The following BMPER variants were observed in gnomAD, a reference collection of about 807,000 sequenced individuals.
BMPER encodes BMP binding endothelial regulator.
A neutral mutation model predicts 87.3 loss-of-function variants in BMPER; 45 were observed. The ratio of observed to expected loss-of-function variants is 0.52; its 90% CI spans 0.41 to 0.66. BMPER has a LOEUF of 0.66. Ranked by LOEUF, BMPER falls within the 30% of genes least tolerant of loss-of-function variation. The probability of loss-of-function intolerance (pLI) is 0.00; values close to 1 mark genes in which losing one functional copy is unlikely to be tolerated. For synonymous variants in BMPER, 326 were observed against 316.2 expected, an observed-to-expected ratio of 1.03 and a Z score of -0.33; for missense variants, 784 against 867.5, an observed-to-expected ratio of 0.90 and a Z score of 1.21.
intron 13 of BMPER, among the ~76,000 whole-genome samples, chr7:34,135,248 G>A (rs1197038507): frequency 6.6e-6 from 1 of 152,076 alleles, no homozygotes; most frequent in African/African-American, 2.4e-5. Context: ...TTTGGTTGTT[G>A]GATTTTTGTT....
intron 6 of BMPER, among the ~76,000 whole-genome samples, chr7:34,026,132 G>T (rs535287993): frequency 3.3e-5 from 5 of 152,112 alleles, no homozygotes; most frequent in Admixed American, 3.3e-4. Flanking sequence ...CTGGTGAGCT[G>T]GGATGATGGT....
At chr7:34,072,652 T>C (rs1455611271) in intron 11 of BMPER, among the ~76,000 whole-genome samples, 1 of 152,088 alleles carries the variant, frequency 6.6e-6, no homozygotes, top group Non-Finnish European at 1.5e-5. Context: ...CAACCTTAAT[T>C]CCATTTGCAA....
chr7:33,940,894 A>G (rs1255812838), intron 3 of BMPER, among the ~76,000 whole-genome samples: 1 of 133,676 alleles, frequency 7.5e-6, no homozygotes, highest in African/African-American at 3.1e-5. Context: ...ATATAATAGA[A>G]TTTATATATA....
intron 13 of BMPER, among the ~76,000 whole-genome samples, chr7:34,106,329 T>C (rs1789816830): frequency 6.6e-6 from 1 of 152,214 alleles, no homozygotes; most frequent in Non-Finnish European, 1.5e-5. Context: ...ACATATCACT[T>C]TTCTTCCATT....
intron 2 of BMPER, among the ~76,000 whole-genome samples, chr7:33,916,088 A>G (rs1784082137): frequency 6.6e-6 from 1 of 152,164 alleles, no homozygotes; most frequent in Non-Finnish European, 1.5e-5. Context: ...AATTAAATGG[A>G]CTGTATTTAT....
At chr7:33,920,064 A>G (rs1369484153) in intron 2 of BMPER, among the ~76,000 whole-genome samples, 1 of 152,158 alleles carries the variant, frequency 6.6e-6, no homozygotes, top group Non-Finnish European at 1.5e-5. Flanking sequence ...ATAGTTGTGT[A>G]TGTGTGCTGG....
Position 34,062,044 on chromosome 7 carries a change from G to T in BMPER, c.1075G>T (p.Glu359Ter), listed in dbSNP as rs139550819. The change falls in exon 11 of 15, where the codon GAA becomes TAA. Residue 359 changes from glutamate to a stop codon, truncating the protein, a stop_gained. Transcript: ENST00000649409. LOFTEE classifies it high-confidence loss of function. ...AAAAGGATGCTGTCCTATTTGCACTGAAAGTAAGTTTATTCCTTTGAAAAT... is the reference window on the plus strand; with the variant it reads ...AAAAGGATGCTGTCCTATTTGCACTTAAAGTAAGTTTATTCCTTTGAAAAT... ...NRKGCCPICT[E>*]KPGVCTVFGD... 22 of 1,610,340 alleles carry T rather than the reference G, an allele frequency of 1.4e-5. No individual in the cohort carries two copies. Among genetic ancestry groups the T allele is most frequent in the Non-Finnish European group, 8.5e-7 (1 of 1,178,378 alleles).
chr7:34,042,943 A>C (rs535137158), intron 6 of BMPER: 2 of 152,316 alleles, frequency 1.3e-5, no homozygotes, highest in East Asian at 3.9e-4. Flanking sequence ...GGTTACTAGG[A>C]ACTGAAGGCT....
chr7:34,054,014 G>A (rs1180141870), intron 8 of BMPER, among the ~76,000 whole-genome samples: 1 of 152,166 alleles, frequency 6.6e-6, no homozygotes, highest in African/African-American at 2.4e-5. Context: ...GCCTATCTCA[G>A]GTGTCATTCA....
chr7:33,986,481 G>T (rs114943239), intron 6 of BMPER, among the ~76,000 whole-genome samples: 411 of 152,286 alleles, frequency 2.7e-3, no homozygotes, highest in African/African-American at 9.7e-3. Flanking sequence ...ATACAATCTA[G>T]AACTTTTCTA....
At chr7:34,066,628 C>A (rs1788600517) in intron 11 of BMPER, among the ~76,000 whole-genome samples, 1 of 152,158 alleles carries the variant, frequency 6.6e-6, no homozygotes, top group African/African-American at 2.4e-5. Context: ...TTGTGTGTAG[C>A]ATTTTGTTTA....
At chr7:34,120,736 A>G (rs933682515) in intron 13 of BMPER, among the ~76,000 whole-genome samples, 2 of 152,206 alleles carry the variant, frequency 1.3e-5, no homozygotes, top group Admixed American at 6.5e-5. Context: ...AGTTGGATAT[A>G]GCTTATTGTC....
intron 2 of BMPER, among the ~76,000 whole-genome samples, chr7:33,920,044 G>A (rs923453438): frequency 1.3e-5 from 2 of 152,154 alleles, no homozygotes; most frequent in African/African-American, 4.8e-5. Flanking sequence ...ATGAATGTGT[G>A]ATGAAACTAA....
Position 34,086,027 on chromosome 7 carries a change from C to T in BMPER, c.1680C>T (p.Cys560=). 2 of 1,614,008 alleles carry T rather than the reference C, an allele frequency of 1.2e-6. No homozygotes were observed. The highest frequency in any genetic ancestry group is 1.7e-6 in the Non-Finnish European group (2 of 1,180,010). The change falls in exon 13 of 15, where the codon TGC becomes TGT. Residue 560 remains cysteine, a synonymous_variant. Coordinates refer to ENST00000649409, the MANE Select transcript of BMPER (RefSeq NM_001365308.1). ...VKVKLRAHRE[C]QKLKSWEFQT... The stretch of plus-strand genomic sequence containing the variant: ...TAAAGCTCCGGGCCCATCGAGAATG[C>T]CAAAAGCTCAAATCCTGGGAGTTTC...
intron 11 of BMPER, among the ~76,000 whole-genome samples, chr7:34,068,292 G>T (rs1334117470): frequency 6.6e-6 from 1 of 152,172 alleles, no homozygotes; most frequent in African/African-American, 2.4e-5. Context: ...CCGAAAGCTT[G>T]GTCTGGAATT....
At chr7:34,006,720 A>G (rs967417326) in intron 6 of BMPER, among the ~76,000 whole-genome samples, 2 of 152,078 alleles carry the variant, frequency 1.3e-5, no homozygotes, top group Non-Finnish European at 2.9e-5. Context: ...GAGATGTTTC[A>G]GTTATGGACG....
intron 6 of BMPER, among the ~76,000 whole-genome samples, chr7:34,035,800 G>A (rs185641420): frequency 1.2e-3 from 182 of 152,110 alleles, no homozygotes; most frequent in Non-Finnish European, 1.9e-3. Context: ...ACCTACTTTG[G>A]GACAAACGAT....
At chr7:33,962,096 G>A (rs80279575) in intron 3 of BMPER, among the ~76,000 whole-genome samples, 1 of 152,314 alleles carries the variant, frequency 6.6e-6, no homozygotes, top group Middle Eastern at 3.4e-3. Flanking sequence ...ACAGAATGAT[G>A]AAAATGTGTG....
At chr7:33,983,481 A>T (rs571572708) in intron 6 of BMPER, among the ~76,000 whole-genome samples, 1 of 152,340 alleles carries the variant, frequency 6.6e-6, no homozygotes, top group Admixed American at 6.5e-5. Flanking sequence ...AATGGTTATT[A>T]TTACTGAATG....
Sources: allele counts gnomAD v4.1 joint callset (sites outside exome capture counted in the v4.1 genomes callset), GRCh38; gene constraint gnomAD v4.1.1; transcripts MANE v1.5; gene names NCBI Gene and HGNC (gene_info 2026-07-23, HGNC 2026-07-21).